The following CTNNA1 variants were observed in gnomAD, a reference collection of about 807,000 sequenced individuals.
The protein encoded by CTNNA1 is catenin alpha-1.
CTNNA1 carries 37 observed loss-of-function variants against 98.4 expected under a neutral mutation model. The observed-to-expected ratio is 0.38, with a 90% CI of 0.29 to 0.49. The LOEUF (loss-of-function observed/expected upper bound fraction) is 0.49. Among genes scored for constraint, CTNNA1 ranks in the 20% least tolerant of loss-of-function variants. The probability of loss-of-function intolerance (pLI) is 0.95; values close to 1 mark genes in which losing one functional copy is unlikely to be tolerated. For synonymous variants in CTNNA1, 404 were observed against 413.2 expected, an observed-to-expected ratio of 0.98 and a Z score of 0.27; for missense variants, 761 against 1,147.2, an observed-to-expected ratio of 0.66 and a Z score of 4.86.
chr5:138,930,127 G>A (rs1764988993), intron 14 of CTNNA1, among the ~76,000 whole-genome samples: 1 of 152,116 alleles, frequency 6.6e-6, no homozygotes, highest in Non-Finnish European at 1.5e-5. Flanking sequence ...ACCAGGGAAA[G>A]GGCTCCACAC....
intron 1 of CTNNA1, among the ~76,000 whole-genome samples, chr5:138,770,623 T>A (rs1280005570): frequency 6.6e-6 from 1 of 152,188 alleles, no homozygotes; most frequent in South Asian, 2.1e-4. Context: ...ATTAGTTCTT[T>A]CCTGACTATT....
chr5:138,931,784 A>G, intron 16 of CTNNA1: 1 of 985,516 alleles, frequency 1.0e-6, no homozygotes, highest in South Asian at 4.7e-5. Context: ...ATGACTACTT[A>G]GAATACAGCT....
chr5:138,884,627 A>G (rs1044936852), intron 7 of CTNNA1, among the ~76,000 whole-genome samples: 1 of 152,190 alleles, frequency 6.6e-6, no homozygotes, highest in Non-Finnish European at 1.5e-5. Flanking sequence ...TCTTATTGCT[A>G]CAAATAATCT....
intron 7 of CTNNA1, among the ~76,000 whole-genome samples, chr5:138,850,448 ACTGTT>A (rs1035246546): frequency 6.6e-6 from 1 of 152,168 alleles, no homozygotes; most frequent in African/African-American, 2.4e-5. Context: ...TCTGTTATTG[ACTGTT>A]CTGTATAATG....
chr5:138,875,429 T>G, intron 7 of CTNNA1: 2 of 985,880 alleles, frequency 2.0e-6, no homozygotes, highest in Non-Finnish European at 2.4e-6. Flanking sequence ...GAAGCTTTAC[T>G]GTTATAAAGC....
intron 10 of CTNNA1, among the ~76,000 whole-genome samples, chr5:138,914,282 C>T (rs1163051258): frequency 6.6e-6 from 1 of 152,198 alleles, no homozygotes; most frequent in Non-Finnish European, 1.5e-5. Flanking sequence ...AATATTCTTA[C>T]AGTGTATAGC....
intron 5 of CTNNA1, among the ~76,000 whole-genome samples, chr5:138,821,979 TTTC>T (rs1334942406): frequency 6.6e-6 from 1 of 152,246 alleles, no homozygotes; most frequent in Non-Finnish European, 1.5e-5. Flanking sequence ...CAAAATCTAA[TTTC>T]TTTGTGCTAA....
In CTNNA1 at chr5:138,873,637, G is replaced by A; in HGVS notation, c.1063-12575G>A. On this transcript the variant is annotated intron_variant, in intron 7 of 17. Transcript: ENST00000302763. This position sits in a 1 kb window ranked among gnomAD's most constrained non-coding sequence, Gnocchi z 6.1. Reference sequence around the variant, plus strand: ...CGCTGCATTCCCACAGATTGCCAGAGAGACCAACGGTTGTGAGGGATCTCA... The same window carrying A: ...CGCTGCATTCCCACAGATTGCCAGAAAGACCAACGGTTGTGAGGGATCTCA... 6.2e-7 allele frequency: 1 copy of A among 1,614,064 alleles called. No homozygotes were observed. Among genetic ancestry groups the A allele is most frequent in the South Asian group, 1.1e-5 (1 of 91,088 alleles).
intron 9 of CTNNA1, among the ~76,000 whole-genome samples, chr5:138,889,339 A>C (rs903829362): frequency 6.6e-6 from 1 of 152,120 alleles, no homozygotes; most frequent in Non-Finnish European, 1.5e-5. Context: ...ACATTTGCTG[A>C]GCACCTACTG....
intron 9 of CTNNA1, among the ~76,000 whole-genome samples, chr5:138,891,775 A>G (rs1415270817): frequency 6.6e-6 from 1 of 151,900 alleles, no homozygotes; most frequent in East Asian, 1.9e-4. Context: ...TAAATAAAAT[A>G]ACAACAACCA....
At chr5:138,785,103 C>G (rs1356626777) in intron 3 of CTNNA1, among the ~76,000 whole-genome samples, 10 of 150,112 alleles carry the variant, frequency 6.7e-5, no homozygotes, top group Admixed American at 6.0e-4. Context: ...GCTCTGTCGC[C>G]CAGGCTGGAG....
chr5:138,906,884 CAAAT>C (rs1759374827), intron 10 of CTNNA1, among the ~76,000 whole-genome samples: 1 of 152,144 alleles, frequency 6.6e-6, no homozygotes. Context: ...TCAGTAATGG[CAAAT>C]AAAGTAGGTG....
In CTNNA1 at chr5:138,820,845, G is replaced by A. The variant is rs1759968219; in HGVS notation, c.589-3685G>A. Among the ~76,000 whole-genome samples, 3 of 152,166 alleles carry A rather than the reference G, an allele frequency of 2.0e-5. No homozygotes were observed. In the South Asian group the frequency reaches 6.2e-4, roughly 32 times the overall value. Reference sequence around the variant, plus strand: ...TCATTTAATCTTCACAAAATAATGTGAGGTAGATACTATAACTGGTCGCAT... The same window carrying A: ...TCATTTAATCTTCACAAAATAATGTAAGGTAGATACTATAACTGGTCGCAT... On this transcript the variant is annotated intron_variant, in intron 5 of 17. Transcript: ENST00000302763.
chr5:138,842,668 TA>T (rs1258030546), intron 7 of CTNNA1, among the ~76,000 whole-genome samples: 1 of 152,180 alleles, frequency 6.6e-6, no homozygotes, highest in African/African-American at 2.4e-5. Flanking sequence ...CCTTGAGCAG[TA>T]GGATATAAAT....
chr5:138,867,761 C>CT (rs1390277801), intron 7 of CTNNA1, among the ~76,000 whole-genome samples: 19 of 120,908 alleles, frequency 1.6e-4, no homozygotes, highest in South Asian at 5.3e-4. Flanking sequence ...TTTTTTTTTT[C>CT]TTTTTTTTTA....
intron 7 of CTNNA1, among the ~76,000 whole-genome samples, chr5:138,828,876 C>T (rs1760985901): frequency 6.6e-6 from 1 of 152,220 alleles, no homozygotes; most frequent in African/African-American, 2.4e-5. Flanking sequence ...GTAGTCCCAG[C>T]GTTTTGGGAG....
At chr5:138,845,736 AT>A (rs1223497182) in intron 7 of CTNNA1, among the ~76,000 whole-genome samples, 1 of 152,152 alleles carries the variant, frequency 6.6e-6, no homozygotes, top group Non-Finnish European at 1.5e-5. Flanking sequence ...TTTAGACTGA[AT>A]TTCTACTAAA....
At chr5:138,901,280 C>T (rs1224655178) in intron 9 of CTNNA1, among the ~76,000 whole-genome samples, 2 of 152,144 alleles carry the variant, frequency 1.3e-5, no homozygotes, top group East Asian at 1.9e-4. Context: ...GCCTCAGCCT[C>T]CCAAGCAGCT....
chr5:138,813,634 T>A (rs971198682), intron 5 of CTNNA1, among the ~76,000 whole-genome samples: 12 of 152,032 alleles, frequency 7.9e-5, no homozygotes, highest in East Asian at 1.9e-4. Flanking sequence ...CATAAAAAAA[T>A]TTTTTTTGAG....
Sources: allele counts gnomAD v4.1 joint callset (sites outside exome capture counted in the v4.1 genomes callset), GRCh38; gene constraint gnomAD v4.1.1; non-coding constraint Gnocchi (gnomAD v3.1); transcripts MANE v1.5; gene names NCBI Gene and HGNC (gene_info 2026-07-23, HGNC 2026-07-21).